The following CTNNA2 variants were observed in gnomAD, a reference collection of about 807,000 sequenced individuals.
CTNNA2 encodes catenin alpha-2.
A neutral mutation model predicts 101.0 loss-of-function variants in CTNNA2; 42 were observed. The observed-to-expected ratio is 0.42, with a 90% CI of 0.32 to 0.54. The LOEUF (loss-of-function observed/expected upper bound fraction) is 0.54. Ranked by LOEUF, CTNNA2 falls within the 20% of genes least tolerant of loss-of-function variation. The pLI is 0.14. For missense variants in CTNNA2, 871 were observed against 1,223.1 expected (o/e 0.71, Z 4.29); for synonymous variants, 450 against 456.4 (o/e 0.99, Z 0.18).
At chr2:79,728,236 C>T (rs1337131393) in intron 2 of CTNNA2, among the ~76,000 whole-genome samples, 1 of 152,018 alleles carries the variant, frequency 6.6e-6, no homozygotes, top group Non-Finnish European at 1.5e-5. Context: ...CTCTCCAGCA[C>T]CTGTTGTTTC....
intron 7 of CTNNA2, among the ~76,000 whole-genome samples, chr2:80,168,284 AT>A (rs764098562): frequency 1.2e-4 from 18 of 152,172 alleles, no homozygotes; most frequent in Admixed American, 2.0e-4. Context: ...TAGAAGTAAG[AT>A]TTTATCAAAA....
At chr2:79,770,785 G>A (rs1673515099) in intron 3 of CTNNA2, among the ~76,000 whole-genome samples, 1 of 152,134 alleles carries the variant, frequency 6.6e-6, no homozygotes. Context: ...GAGCACCTTG[G>A]AGAACTTAAG....
chr2:80,251,421 C>A (rs1229085961), intron 7 of CTNNA2, among the ~76,000 whole-genome samples: 2 of 152,120 alleles, frequency 1.3e-5, no homozygotes, highest in Non-Finnish European at 2.9e-5. Context: ...CAGAGGCCCC[C>A]ACCAACTTCC....
chr2:79,409,199 G>C (rs1678378441), intron 4 of CTNNA2, among the ~76,000 whole-genome samples: 1 of 152,058 alleles, frequency 6.6e-6, no homozygotes, highest in South Asian at 2.1e-4. Context: ...CTGGATATTA[G>C]CCCTTTGTCA....
Position 80,386,881 on chromosome 2 carries a change from ACCC to A in CTNNA2, c.1057-6329_1057-6327del, listed in dbSNP as rs1458655151. Among the ~76,000 whole-genome samples, 671 of 152,284 alleles carry A rather than the reference ACCC, an allele frequency of 4.4e-3. 6 individuals carry two copies. Among genetic ancestry groups the A allele is most frequent in the African/African-American group, 0.016 (650 of 41,556 alleles). ...ACCATGTCCCACATATTAATATAGT[ACCC>A]TGAAACATGGTTGATGTGCAGCCAT... is the stretch of plus-strand genomic sequence containing the variant. On this transcript the variant is annotated intron_variant, in intron 7 of 18. Transcript: ENST00000402739.
intron 8 of CTNNA2, among the ~76,000 whole-genome samples, chr2:80,414,764 A>G (rs541818942): frequency 1.4e-4 from 22 of 152,314 alleles, no homozygotes; most frequent in African/African-American, 4.3e-4. Context: ...TGACAGGTCA[A>G]TCTTTCTGCT....
intron 4 of CTNNA2, among the ~76,000 whole-genome samples, chr2:79,406,429 C>T (rs1422587550): frequency 6.6e-6 from 1 of 152,028 alleles, no homozygotes; most frequent in East Asian, 1.9e-4. Flanking sequence ...CCACAATGGG[C>T]ATGAGAGAAA....
chr2:79,660,281 GTGTATCCATA>G (rs1232190751), intron 2 of CTNNA2, among the ~76,000 whole-genome samples: 1 of 148,356 alleles, frequency 6.7e-6, no homozygotes, highest in South Asian at 2.1e-4. Flanking sequence ...ACATATGTAT[GTGTATCCATA>G]TGTATATACA....
intron 2 of CTNNA2, among the ~76,000 whole-genome samples, chr2:79,733,085 A>C (rs1223314550): frequency 6.6e-6 from 1 of 152,134 alleles, no homozygotes; most frequent in Non-Finnish European, 1.5e-5. Context: ...CGCTGGTGGC[A>C]CCCAGCAGTC....
intron 6 of CTNNA2, among the ~76,000 whole-genome samples, chr2:79,884,702 C>A (rs535973296): frequency 6.6e-6 from 1 of 151,470 alleles, no homozygotes; most frequent in South Asian, 2.1e-4. Flanking sequence ...CCCTACCTGC[C>A]TTTACCTTCT....
intron 6 of CTNNA2, among the ~76,000 whole-genome samples, chr2:79,878,251 A>G (rs553166371): frequency 1.6e-4 from 25 of 152,312 alleles, no homozygotes; most frequent in African/African-American, 5.8e-4. Flanking sequence ...TAACTTTGCC[A>G]TTGTAAATAG....
At chr2:80,055,956 A>G (rs953536314) in intron 7 of CTNNA2, among the ~76,000 whole-genome samples, 2 of 152,206 alleles carry the variant, frequency 1.3e-5, no homozygotes, top group Non-Finnish European at 2.9e-5. Flanking sequence ...GTTATCTGGA[A>G]GGGTTTAGTA....
Position 80,608,152 on chromosome 2 carries a change from C to T in CTNNA2, c.2296-32C>T, listed in dbSNP as rs758721342. On this transcript the variant is annotated intron_variant, in intron 16 of 18. Transcript: ENST00000402739. ...AATGTTAGAAACTGAAGAGTACTTA[C>T]TAATCAAGATCACTCTTTTAATGTT... 6 of 1,580,796 alleles carry T rather than the reference C, an allele frequency of 3.8e-6. No individual in the cohort carries two copies. In the Admixed American group the frequency reaches 1.0e-4, roughly 27 times the overall value.
intron 7 of CTNNA2, among the ~76,000 whole-genome samples, chr2:80,351,657 G>A (rs770198009): frequency 5.9e-5 from 9 of 152,088 alleles, no homozygotes; most frequent in African/African-American, 9.7e-5. Flanking sequence ...GCAGAGGGGC[G>A]TTAATTTCAC....
intron 14 of CTNNA2, 27 bp from the exon 15 acceptor site, chr2:80,589,277 C>T (rs1396858524): frequency 1.9e-6 from 3 of 1,611,000 alleles, no homozygotes; most frequent in East Asian, 4.5e-5. Flanking sequence ...GTCACCGTCA[C>T]TCACGCTTTT....
At chr2:80,536,003 G>C (rs543185045) in intron 9 of CTNNA2, among the ~76,000 whole-genome samples, 1 of 152,132 alleles carries the variant, frequency 6.6e-6, no homozygotes, top group East Asian at 1.9e-4. Context: ...GATCATCGAA[G>C]GCTGAGCCTG....
intron 9 of CTNNA2, among the ~76,000 whole-genome samples, chr2:80,520,664 A>T (rs933153104): frequency 2.6e-5 from 4 of 151,944 alleles, no homozygotes; most frequent in African/African-American, 2.4e-5. Context: ...ATTCATGAAG[A>T]CTCCACTCTC....
intron 15 of CTNNA2, among the ~76,000 whole-genome samples, chr2:80,595,907 A>G (rs968365507): frequency 1.3e-5 from 2 of 152,144 alleles, no homozygotes; most frequent in African/African-American, 2.4e-5. Context: ...AAGAAAGTCA[A>G]TGGAAGCTTG....
At chr2:79,970,606 A>T (rs1048609084) in intron 7 of CTNNA2, among the ~76,000 whole-genome samples, 1 of 152,128 alleles carries the variant, frequency 6.6e-6, no homozygotes, top group African/African-American at 2.4e-5. Context: ...CACAGCATCT[A>T]TGTTAAGTAT....
Sources: allele counts gnomAD v4.1 joint callset (sites outside exome capture counted in the v4.1 genomes callset), GRCh38; gene constraint gnomAD v4.1.1; transcripts MANE v1.5; gene names NCBI Gene and HGNC (gene_info 2026-07-23, HGNC 2026-07-21).